KLHL3: variants seen among roughly 807,000 people sequenced by gnomAD.
KLHL3 encodes the protein kelch-like protein 3.
Under a neutral mutation model 70.5 loss-of-function variants are expected in KLHL3, and 19 were observed. That is an observed-to-expected ratio of 0.27 (90% CI 0.19 to 0.40). The LOEUF (loss-of-function observed/expected upper bound fraction) is 0.40. KLHL3 is among the 10% of genes least tolerant of loss of function. The pLI, the probability that KLHL3 is intolerant of heterozygous loss-of-function variation, is 1.00. For missense variants in KLHL3, 512 were observed against 771.1 expected (o/e 0.66, Z 3.98); for synonymous variants, 258 against 290.3 (o/e 0.89, Z 1.13).
chr5:137,633,588 T>G (rs1020558062), intron 12 of KLHL3, among the ~76,000 whole-genome samples: 1 of 152,132 alleles, frequency 6.6e-6, no homozygotes, highest in African/African-American at 2.4e-5. Context: ...AATGGCTGAT[T>G]AAAGAAAATA....
chr5:137,662,164 T>C lies in KLHL3; in HGVS notation c.637-133A>G, dbSNP rs897659283. 1.3e-5 allele frequency: 8 copies of C among 608,742 alleles called. No individual in the cohort carries two copies. The Admixed American group carries it at 1.7e-4, about 13-fold the overall frequency. The allele number at this position is 608,742 out of a possible 1,614,324, so 37.7% of individuals were successfully genotyped here. ...CATCCACAAAGGTGTTTAATTAATCTGAGACTCATATTTAAAATAAAAACA... is the reference window on the plus strand; with the variant it reads ...CATCCACAAAGGTGTTTAATTAATCCGAGACTCATATTTAAAATAAAAACA... On this transcript the variant is annotated intron_variant, in intron 6 of 14. Coordinates refer to ENST00000309755, the MANE Select transcript of KLHL3 (RefSeq NM_017415.3).
At chr5:137,695,206 C>A (rs939343529) in intron 4 of KLHL3, among the ~76,000 whole-genome samples, 1 of 152,142 alleles carries the variant, frequency 6.6e-6, no homozygotes, top group African/African-American at 2.4e-5. Context: ...ATTTTTAAAA[C>A]CTCCCTGGAT....
intron 6 of KLHL3, chr5:137,671,872 G>C (rs1185561285): frequency 6.6e-6 from 1 of 152,110 alleles, no homozygotes; most frequent in East Asian, 1.9e-4. Context: ...TGCTAGTTAT[G>C]TGGGTGTTTT....
Position 137,618,178 on chromosome 5 carries a change from A to C in KLHL3, c.*3920T>G, listed in dbSNP as rs886059936. ...GGACTCTAAATAGTGCAAACGCTTA[A>C]AAAAATTACATTCTAACCTCCTTGC... On this transcript the variant is annotated 3_prime_UTR_variant, in exon 15 of 15. Coordinates refer to ENST00000309755, the MANE Select transcript of KLHL3 (RefSeq NM_017415.3). 2 of 152,564 alleles carry C rather than the reference A, an allele frequency of 1.3e-5. No individual in the cohort carries two copies. The highest frequency in any genetic ancestry group is 2.9e-5 in the Non-Finnish European group (2 of 68,016). The allele number at this position is 152,564 out of a possible 1,614,324, so 9.5% of individuals were successfully genotyped here.
intron 6 of KLHL3, among the ~76,000 whole-genome samples, chr5:137,668,001 G>A (rs1751655084): frequency 6.6e-6 from 1 of 152,148 alleles, no homozygotes; most frequent in South Asian, 2.1e-4. Context: ...TTAGCAAGCT[G>A]TACAAGGTCA....
intron 5 of KLHL3, among the ~76,000 whole-genome samples, chr5:137,689,027 AAC>A (rs1381432432): frequency 1.3e-5 from 2 of 152,224 alleles, no homozygotes; most frequent in Non-Finnish European, 2.9e-5. Flanking sequence ...CAAAGGAGAA[AAC>A]ACAGACGTTG....
intron 1 of KLHL3, among the ~76,000 whole-genome samples, chr5:137,733,144 G>T (rs556379953): frequency 1.6e-4 from 25 of 152,274 alleles, no homozygotes; most frequent in African/African-American, 5.8e-4. Context: ...GTCTCTGGAG[G>T]TTGGACATGT....
chr5:137,658,351 T>G, intron 7 of KLHL3, 71 bp from the exon 8 acceptor site: 1 of 1,471,254 alleles, frequency 6.8e-7, no homozygotes, highest in Admixed American at 1.7e-5. Flanking sequence ...CACCCTGGGC[T>G]CAGTCATTCC....
chr5:137,654,732 A>C (rs949286303), intron 8 of KLHL3, among the ~76,000 whole-genome samples: 1 of 152,230 alleles, frequency 6.6e-6, no homozygotes, highest in Non-Finnish European at 1.5e-5. Flanking sequence ...TAAGGAAGTC[A>C]TGGTTCCAGT....
At chr5:137,712,156 C>CAAAAAAAAAAAAAA (rs201519598) in intron 2 of KLHL3, among the ~76,000 whole-genome samples, 4 of 74,862 alleles carry the variant, frequency 5.3e-5, no homozygotes, top group African/African-American at 2.2e-4. Context: ...AAGATTCTGT[C>CAAAAAAAAAAAAAA]AAAAAAAAAA....
intron 3 of KLHL3, among the ~76,000 whole-genome samples, chr5:137,705,136 T>C (rs1752660553): frequency 6.6e-6 from 1 of 152,242 alleles, no homozygotes; most frequent in African/African-American, 2.4e-5. Context: ...AGAAAAGAAT[T>C]CTATTCCCTA....
At chr5:137,733,768 G>T (rs981102393) in intron 1 of KLHL3, among the ~76,000 whole-genome samples, 2 of 152,226 alleles carry the variant, frequency 1.3e-5, no homozygotes, top group Admixed American at 1.3e-4. Context: ...TATAGGATGG[G>T]TGATCATGAA....
intron 3 of KLHL3, among the ~76,000 whole-genome samples, chr5:137,706,618 A>G (rs1174444705): frequency 6.6e-6 from 1 of 152,222 alleles, no homozygotes; most frequent in Non-Finnish European, 1.5e-5. Flanking sequence ...TGCCCATTAT[A>G]TCATTATTTA....
intron 6 of KLHL3, among the ~76,000 whole-genome samples, chr5:137,674,094 C>T (rs1003531751): frequency 6.6e-6 from 1 of 152,128 alleles, no homozygotes; most frequent in African/African-American, 2.4e-5. Flanking sequence ...CAGTAATGAA[C>T]ACTTCTTATA....
intron 14 of KLHL3, among the ~76,000 whole-genome samples, 194 bp from the exon 15 acceptor site, chr5:137,622,320 C>G (rs892782516): frequency 6.6e-6 from 1 of 152,218 alleles, no homozygotes; most frequent in Non-Finnish European, 1.5e-5. Flanking sequence ...CCTGGCAAGA[C>G]ACTTGAACCT....
intron 8 of KLHL3, among the ~76,000 whole-genome samples, chr5:137,646,476 T>C (rs897438595): frequency 2.0e-5 from 3 of 152,208 alleles, no homozygotes; most frequent in Non-Finnish European, 2.9e-5. Context: ...TTTCCTATCA[T>C]GAGTGCTAAT....
intron 11 of KLHL3, among the ~76,000 whole-genome samples, chr5:137,635,043 T>C (rs1750733775): frequency 6.6e-6 from 1 of 152,154 alleles, no homozygotes; most frequent in East Asian, 1.9e-4. Flanking sequence ...CAAATGCAAA[T>C]CTATTTAACA....
In KLHL3 at chr5:137,621,428, C is replaced by G. The variant is rs1214875815; in HGVS notation, c.*670G>C. On this transcript the variant is annotated 3_prime_UTR_variant, in exon 15 of 15. Transcript: ENST00000309755. ...CAAGGAAAAACAGTGAGCTGAGAAG[C>G]ACAGGGAACCCATTTGTCCCTTATT... 1 of 152,428 alleles carries G rather than the reference C, an allele frequency of 6.6e-6. No individual in the cohort carries two copies. Among genetic ancestry groups the G allele is most frequent in the Non-Finnish European group, 1.5e-5 (1 of 68,074 alleles). 9.4% of individuals were successfully genotyped at this position (152,428 alleles called of 1,614,324 possible).
chr5:137,681,972 A>T (rs1057360794), intron 5 of KLHL3, among the ~76,000 whole-genome samples: 2 of 152,122 alleles, frequency 1.3e-5, no homozygotes. Flanking sequence ...CAACACAAAC[A>T]TATCTTCCCA....
Sources: gnomAD v4.1 joint callset for allele counts (sites outside exome capture counted in the v4.1 genomes callset) on GRCh38, gnomAD v4.1.1 for gene constraint, MANE v1.5 for transcripts, NCBI Gene and HGNC (gene_info 2026-07-23, HGNC 2026-07-21) for gene names.